The following MALRD1 variants were observed in gnomAD, a reference collection of about 807,000 sequenced individuals.
MALRD1 encodes MAM and LDL-receptor class A domain-containing protein 1.
MALRD1 carries 247 observed loss-of-function variants against 242.1 expected under a neutral mutation model. The ratio of observed to expected loss-of-function variants is 1.02; its 90% CI spans 0.92 to 1.13. The LOEUF (loss-of-function observed/expected upper bound fraction) is 1.13. Ranked by LOEUF, MALRD1 falls within the 50% of genes most tolerant of loss-of-function variation. The pLI is 0.00. For missense variants in MALRD1, 2,989 were observed against 2,533.1 expected, an observed-to-expected ratio of 1.18 and a Z score of -3.86; for synonymous variants, 995 against 866.6, an observed-to-expected ratio of 1.15 and a Z score of -2.60.
At chr10:19,240,455 C>A (rs1274771004) in intron 18 of MALRD1, among the ~76,000 whole-genome samples, 1 of 151,882 alleles carries the variant, frequency 6.6e-6, no homozygotes, top group African/African-American at 2.4e-5. Flanking sequence ...TCATATATAT[C>A]TATATGATCA....
At chr10:19,420,199 T>C (rs1010491039) in intron 28 of MALRD1, among the ~76,000 whole-genome samples, 2 of 151,678 alleles carry the variant, frequency 1.3e-5, no homozygotes, top group East Asian at 1.9e-4. Flanking sequence ...AAACTAATTA[T>C]GATTGGCTCA....
rs572240562 is a variant in MALRD1 at position 19,317,490 on chromosome 10, A to G, written c.3420-6459A>G. 7.2e-5 allele frequency among the ~76,000 whole-genome samples: 11 copies of G among 152,132 alleles called. No individual in the cohort carries two copies. The South Asian group carries it at 1.0e-3, about 14-fold the overall frequency. On this transcript the variant is annotated intron_variant, in intron 21 of 39. Coordinates refer to ENST00000454679, the MANE Select transcript of MALRD1 (RefSeq NM_001142308.3). ...AGTTTTTTGTATTTTCTGCAGCTCA[A>G]AGTATTGTTCACAACAGCTTTTTTG...
intron 4 of MALRD1, among the ~76,000 whole-genome samples, chr10:19,101,543 CAT>C (rs1445022984): frequency 1.3e-4 from 18 of 134,256 alleles, no homozygotes; most frequent in South Asian, 2.3e-4. Context: ...GATATTATAA[CAT>C]ATAAAATATA....
intron 2 of MALRD1, among the ~76,000 whole-genome samples, chr10:19,075,410 G>A (rs144251362): frequency 6.6e-6 from 1 of 152,136 alleles, no homozygotes; most frequent in East Asian, 1.9e-4. Flanking sequence ...AAGCAGAAGT[G>A]GAAGGCAGGA....
intron 36 of MALRD1, among the ~76,000 whole-genome samples, chr10:19,627,860 A>T (rs1439046758): frequency 6.6e-6 from 1 of 152,054 alleles, no homozygotes; most frequent in Non-Finnish European, 1.5e-5. Flanking sequence ...ATTAGTCATA[A>T]TATATACTCA....
chr10:19,529,714 A>G (rs1012538297), intron 31 of MALRD1, among the ~76,000 whole-genome samples: 3 of 152,132 alleles, frequency 2.0e-5, no homozygotes, highest in Non-Finnish European at 1.5e-5. Flanking sequence ...CCAACTATAT[A>G]TTGTCAGTAA....
chr10:19,257,839 C>A, intron 19 of MALRD1, 68 bp downstream of exon 19: 1 of 1,069,170 alleles, frequency 9.4e-7, no homozygotes, highest in Non-Finnish European at 1.3e-6. Context: ...GCAAGGAAAT[C>A]AATATTTCAT....
intron 28 of MALRD1, among the ~76,000 whole-genome samples, chr10:19,413,977 A>AC (rs560918858): frequency 1.3e-3 from 191 of 151,510 alleles, no homozygotes; most frequent in Non-Finnish European, 2.4e-4. Flanking sequence ...AAAAAAAAAA[A>AC]ACAATGATTT....
intron 1 of MALRD1, among the ~76,000 whole-genome samples, chr10:19,059,511 C>T (rs1370561257): frequency 5.3e-5 from 8 of 151,998 alleles, no homozygotes; most frequent in Non-Finnish European, 7.4e-5. Flanking sequence ...CTCAACCTCC[C>T]GAGTAGCTGG....
chr10:19,535,087 T>C (rs1219748654), intron 32 of MALRD1, among the ~76,000 whole-genome samples: 9 of 152,126 alleles, frequency 5.9e-5, no homozygotes, highest in Admixed American at 1.3e-4. Context: ...CGTTTCACCA[T>C]GTTGGCCAGG....
At chr10:19,117,157 A>G (rs140437117) in intron 5 of MALRD1, among the ~76,000 whole-genome samples, 32 of 152,112 alleles carry the variant, frequency 2.1e-4, no homozygotes, top group African/African-American at 7.0e-4. Flanking sequence ...GAGAATTAAT[A>G]TGAGTATAAA....
In MALRD1 at chr10:19,472,181, C is replaced by T. The variant is rs551196046; in HGVS notation, c.5030-19336C>T. ...TGACTGTATGATTTTTATCCTTCAT[C>T]AGTTAATGTGGTGTACCACATTTCT... On this transcript the variant is annotated intron_variant, in intron 29 of 39. Transcript: ENST00000454679. 2.6e-3 allele frequency among the ~76,000 whole-genome samples: 395 copies of T among 152,092 alleles called. 2 individuals are homozygous for T. Among genetic ancestry groups the T allele is most frequent in the Non-Finnish European group, 2.3e-3 (155 of 67,878 alleles).
intron 13 of MALRD1, among the ~76,000 whole-genome samples, chr10:19,171,980 T>C (rs1835005984): frequency 9.9e-5 from 1 of 10,078 alleles, no homozygotes; most frequent in Admixed American, 1.3e-3. Flanking sequence ...GTGATATATA[T>C]CATATAATAT....
intron 31 of MALRD1, among the ~76,000 whole-genome samples, chr10:19,509,350 G>T (rs1833292948): frequency 6.6e-6 from 1 of 152,158 alleles, no homozygotes; most frequent in Non-Finnish European, 1.5e-5. Context: ...ATGGTGTGAT[G>T]AGTTGGCTGC....
At chr10:19,141,188 C>T (rs1370538263) in intron 10 of MALRD1, among the ~76,000 whole-genome samples, 3 of 151,994 alleles carry the variant, frequency 2.0e-5, no homozygotes, top group South Asian at 4.1e-4. Context: ...ACGTTGGATC[C>T]CTGAACAGTT....
At chr10:19,204,785 C>T (rs1221012027) in intron 16 of MALRD1, 113 bp from the exon 17 acceptor site, 24 of 1,116,220 alleles carry the variant, frequency 2.2e-5, no homozygotes, top group South Asian at 3.4e-5. Flanking sequence ...GAAAGAAAAG[C>T]GTCTTATGAT....
intron 18 of MALRD1, among the ~76,000 whole-genome samples, chr10:19,222,766 G>A (rs10827082): frequency 1.3e-5 from 2 of 151,808 alleles, no homozygotes; most frequent in Non-Finnish European, 2.9e-5. Context: ...TTTTTGTTAA[G>A]TACCATAACA....
chr10:19,144,514 C>T (rs985019993), intron 10 of MALRD1, among the ~76,000 whole-genome samples: 1 of 152,202 alleles, frequency 6.6e-6, no homozygotes, highest in Admixed American at 6.5e-5. Flanking sequence ...GTCATAAAAT[C>T]AGGTGTCCCT....
chr10:19,341,554 A>G (rs1179427998), intron 24 of MALRD1, among the ~76,000 whole-genome samples: 1 of 140,804 alleles, frequency 7.1e-6, no homozygotes, highest in Non-Finnish European at 1.5e-5. Flanking sequence ...ATATACACAC[A>G]CACGTATTTT....
Sources: allele counts gnomAD v4.1 joint callset (sites outside exome capture counted in the v4.1 genomes callset), GRCh38; gene constraint gnomAD v4.1.1; transcripts MANE v1.5; gene names NCBI Gene and HGNC (gene_info 2026-07-23, HGNC 2026-07-21).